DOC2A: variants seen among roughly 807,000 people sequenced by gnomAD.
The protein encoded by DOC2A is double C2-like domain-containing protein alpha.
DOC2A carries 28 observed loss-of-function variants against 40.6 expected under a neutral mutation model. That is an observed-to-expected ratio of 0.69 (90% CI 0.51 to 0.95). The LOEUF (loss-of-function observed/expected upper bound fraction) is 0.95, where lower values mean the gene tolerates loss of function less well. Ranked by LOEUF, DOC2A falls within the 40% of genes least tolerant of loss-of-function variation. The pLI is 0.00. For missense variants in DOC2A, 474 were observed against 552.5 expected, an observed-to-expected ratio of 0.86 and a Z score of 1.42; for synonymous variants, 241 against 236.9, an observed-to-expected ratio of 1.02 and a Z score of -0.16.
intron 1 of DOC2A, among the ~76,000 whole-genome samples, chr16:30,019,413 G>A (rs947550797): frequency 1.3e-5 from 2 of 152,092 alleles, no homozygotes; most frequent in African/African-American, 2.4e-5. Flanking sequence ...AGAATGATGC[G>A]CATCTATGAG....
chr16:30,021,751 T>A (rs2070912620), upstream of DOC2A: 2 of 152,026 alleles, frequency 1.3e-5, no homozygotes, highest in South Asian at 2.1e-4. Flanking sequence ...GCTACTCCTC[T>A]CGGTTCCTAA....
upstream of DOC2A, among the ~76,000 whole-genome samples, chr16:30,012,015 C>T (rs1485730924): frequency 2.0e-5 from 3 of 152,172 alleles, no homozygotes; most frequent in East Asian, 1.9e-4. Flanking sequence ...CTGCGCCTGC[C>T]ACGGAGTGTC....
At chr16:30,012,992 A>AAAACAAAC (rs555014803), upstream of DOC2A, among the ~76,000 whole-genome samples, 1 of 151,600 alleles carries the variant, frequency 6.6e-6, no homozygotes, top group Non-Finnish European at 1.5e-5. Flanking sequence ...ACTCAGTCTC[A>AAAACAAAC]AAACAAACAA....
upstream of DOC2A, among the ~76,000 whole-genome samples, chr16:30,013,755 C>T (rs57395694): frequency 6.7e-6 from 1 of 150,244 alleles, no homozygotes; most frequent in East Asian, 2.0e-4. Flanking sequence ...ACTCTTGTTG[C>T]CCAGGCTGGA....
chr16:30,013,967 G>A (rs949897691), upstream of DOC2A, among the ~76,000 whole-genome samples: 4 of 152,054 alleles, frequency 2.6e-5, no homozygotes, highest in East Asian at 5.8e-4. Flanking sequence ...CGCCTGCTTC[G>A]GTCTCCCAAA....
At chr16:30,011,313 C>T (rs1251647858), upstream of DOC2A, 20 of 985,014 alleles carry the variant, frequency 2.0e-5, no homozygotes, top group South Asian at 3.8e-4. Context: ...CACCCAGGCG[C>T]GCGCTGGCAC....
chr16:30,014,043 C>T (rs953975819), upstream of DOC2A, among the ~76,000 whole-genome samples: 5 of 151,836 alleles, frequency 3.3e-5, no homozygotes, highest in African/African-American at 4.8e-5. Context: ...AAATGTAGCA[C>T]GTTCCAAAAG....
Position 30,010,851 on chromosome 16 carries a change from C to G in DOC2A, c.-14+52G>C. ...CACCCCCGTAGCGCACACAGGCTGG[C>G]ACGCTTCCCCGCACCCTCACGCCCC... On this transcript the variant is annotated intron_variant, in intron 1 of 10. Transcript: ENST00000350119. This position sits in a 1 kb window ranked among gnomAD's most constrained non-coding sequence, Gnocchi z 4.2. 1 of 993,578 alleles carries G rather than the reference C, an allele frequency of 1.0e-6. No individual in the cohort carries two copies. Among genetic ancestry groups the G allele is most frequent in the South Asian group, 3.9e-5 (1 of 25,332 alleles). The allele number at this position is 993,578 out of a possible 1,614,324, so 61.5% of individuals were successfully genotyped here.
chr16:30,010,107 C>G lies in DOC2A; in HGVS notation c.116G>C (p.Gly39Ala), dbSNP rs774311560. Residue 39 changes from glycine to alanine, a missense_variant, in exon 2 of 11, where the codon GGA becomes GCA. By Grantham distance (60) the Gly-to-Ala change is moderately conservative (BLOSUM62 0). Transcript: ENST00000350119. This position sits in a 1 kb window ranked among gnomAD's most constrained non-coding sequence, Gnocchi z 4.2. ...IRQISDYFPR[G>A]PGPEGGGGGG... ...CCCGCCGCCCCCTTCAGGTCCTGGT[C>G]CCCGGGGGAAGTAGTCAGAGATCTG... The G allele has an allele frequency of 5.0e-6, 8 of 1,613,120 alleles. No homozygotes were observed. The African/African-American group carries it at 1.1e-4, about 22-fold the overall frequency.
At chr16:30,016,170 T>C (rs1230323351), upstream of DOC2A, among the ~76,000 whole-genome samples, 2 of 147,074 alleles carry the variant, frequency 1.4e-5, no homozygotes, top group Non-Finnish European at 3.0e-5. Flanking sequence ...AGCCTCAGCC[T>C]CCCAAGTAGC....
intron 1 of DOC2A, among the ~76,000 whole-genome samples, chr16:30,018,437 C>A (rs190448041): frequency 6.6e-6 from 1 of 152,162 alleles, no homozygotes; most frequent in African/African-American, 2.4e-5. Context: ...CCTCCCACCT[C>A]GGCTTCCCAA....
rs199801773 is a variant in DOC2A at position 30,007,296 on chromosome 16, G to C, written c.531C>G (p.Ile177Met). The change falls in exon 6 of 11, where the codon ATC becomes ATG. Residue 177 changes from isoleucine to methionine, a missense_variant. Physicochemically the swap from Ile to Met is conservative, Grantham distance 10 (BLOSUM62 1). Transcript: ENST00000350119. The part of the protein sequence containing the change: ...DDDITHKVLR[I>M]AVCDEDKLSH... ...TCAGCTTGTCCTCATCACAGACGGC[G>C]ATCCTGGTCGGGAACTGCAGTGTCA... is the stretch of plus-strand genomic sequence containing the variant. 1 of 1,613,790 alleles carries C rather than the reference G, an allele frequency of 6.2e-7. No individual in the cohort carries two copies. Among genetic ancestry groups the C allele is most frequent in the East Asian group, 2.2e-5 (1 of 44,880 alleles).
chr16:30,013,603 C>CAAAAAAAAAAAAAAAAA (rs61309249), upstream of DOC2A: 25 of 34,886 alleles, frequency 7.2e-4, 1 homozygote, highest in Non-Finnish European at 1.2e-3. Flanking sequence ...GACCCTGTCT[C>CAAAAAAAAAAAAAAAAA]AAAAAAAAAA....
At chr16:30,013,927 C>T (rs191138988), upstream of DOC2A, among the ~76,000 whole-genome samples, 15 of 152,012 alleles carry the variant, frequency 9.9e-5, no homozygotes, top group East Asian at 5.9e-4. Flanking sequence ...ATCTTAGCCC[C>T]GCTGGTCTTG....
upstream of DOC2A, among the ~76,000 whole-genome samples, chr16:30,013,092 C>G (rs1024301096): frequency 7.2e-6 from 1 of 138,792 alleles, no homozygotes; most frequent in Non-Finnish European, 1.5e-5. Flanking sequence ...GAAGCTGAGA[C>G]GGACTGATCC....
upstream of DOC2A, among the ~76,000 whole-genome samples, chr16:30,013,863 C>T (rs950552329): frequency 6.6e-6 from 1 of 151,970 alleles, no homozygotes; most frequent in East Asian, 2.0e-4. Flanking sequence ...TACAGGGGCG[C>T]ACGCCCCACA....
upstream of DOC2A, among the ~76,000 whole-genome samples, chr16:30,012,927 G>A (rs1307763913): frequency 6.6e-6 from 1 of 151,928 alleles, no homozygotes; most frequent in Non-Finnish European, 1.5e-5. Flanking sequence ...GGAGGCGGAG[G>A]TTGCAGTGAG....
At chr16:30,017,487 T>C (rs2150963503) in intron 1 of DOC2A, among the ~76,000 whole-genome samples, 1 of 152,244 alleles carries the variant, frequency 6.6e-6, no homozygotes, top group African/African-American at 2.4e-5. Flanking sequence ...TTATATCCCT[T>C]GCAGCAACAT....
chr16:30,022,522 T>G (rs930199570), upstream of DOC2A, among the ~76,000 whole-genome samples: 8 of 151,722 alleles, frequency 5.3e-5, no homozygotes, highest in East Asian at 1.6e-3. Flanking sequence ...AATGCAAAAA[T>G]TAGCCGGGCA....
Sources: gnomAD v4.1 joint callset for allele counts (sites outside exome capture counted in the v4.1 genomes callset) on GRCh38, gnomAD v4.1.1 for gene constraint, Gnocchi (gnomAD v3.1) non-coding constraint, MANE v1.5 for transcripts, NCBI Gene and HGNC (gene_info 2026-07-23, HGNC 2026-07-21) for gene names.